The following ZNF536 variants were observed in gnomAD, a reference collection of about 807,000 sequenced individuals.
The protein encoded by ZNF536 is zinc finger protein 536.
Under a neutral mutation model 84.5 loss-of-function variants are expected in ZNF536, and 13 were observed. The ratio of observed to expected loss-of-function variants is 0.15; its 90% CI spans 0.10 to 0.24. The LOEUF (loss-of-function observed/expected upper bound fraction) is 0.24. Among genes scored for constraint, ZNF536 ranks in the 10% least tolerant of loss-of-function variants. ZNF536 has a pLI of 1.00. For missense variants in ZNF536, 1,536 were observed against 1,747.5 expected (o/e 0.88, Z 2.16); for synonymous variants, 811 against 742.5 (o/e 1.09, Z -1.50).
At chr19:30,226,500 T>C (rs73019700), upstream of ZNF536, among the ~76,000 whole-genome samples, 21,669 of 151,790 alleles carry the variant, frequency 0.14, 1,582 homozygotes, top group Middle Eastern at 0.22. The surrounding 1 kb of genome is among the most constrained non-coding windows in gnomAD (Gnocchi z 4.6). Flanking sequence ...ATCGGCCTCC[T>C]GTGCCCCGGG....
chr19:30,649,113 A>G (rs1460588748), intron 1 of ZNF536, among the ~76,000 whole-genome samples: 3 of 152,182 alleles, frequency 2.0e-5, no homozygotes, highest in African/African-American at 7.2e-5. Flanking sequence ...CAGCTGCCCC[A>G]GACAGGGAGG....
At chr19:30,582,579 C>G (rs557928394) in intron 1 of ZNF536, among the ~76,000 whole-genome samples, 1 of 151,610 alleles carries the variant, frequency 6.6e-6, no homozygotes, top group Admixed American at 6.6e-5. Context: ...TTTATAGAGA[C>G]GATGTATTAG....
chr19:30,652,580 A>C (rs1052280097), intron 1 of ZNF536, among the ~76,000 whole-genome samples: 2 of 152,152 alleles, frequency 1.3e-5, no homozygotes, highest in Non-Finnish European at 2.9e-5. Flanking sequence ...GCCCCCATGG[A>C]TGCAGAGAGG....
intron 2 of ZNF536, among the ~76,000 whole-genome samples, chr19:30,487,206 A>G (rs2054334417): frequency 6.6e-6 from 1 of 152,242 alleles, no homozygotes; most frequent in African/African-American, 2.4e-5. Flanking sequence ...TATCCAAAGT[A>G]TGAAAAAAGT....
intron 1 of ZNF536, among the ~76,000 whole-genome samples, chr19:30,252,656 AG>A (rs1568530655): frequency 6.6e-6 from 1 of 152,196 alleles, no homozygotes; most frequent in African/African-American, 2.4e-5. Context: ...TCCAGCATAA[AG>A]TTACCCCCTA....
chr19:30,536,350 G>A (rs186637357), intron 3 of ZNF536, among the ~76,000 whole-genome samples: 122 of 152,152 alleles, frequency 8.0e-4, no homozygotes, highest in African/African-American at 2.3e-3. Flanking sequence ...GGATCTATTC[G>A]GAGAGGCTGC....
chr19:30,241,563 C>A (rs966208948), intron 1 of ZNF536, among the ~76,000 whole-genome samples: 5 of 152,158 alleles, frequency 3.3e-5, no homozygotes, highest in Non-Finnish European at 4.4e-5. Flanking sequence ...GCCTCTGAGA[C>A]AGGACTGTGC....
chr19:30,510,774 T>C (rs1452347663), intron 2 of ZNF536, among the ~76,000 whole-genome samples: 3 of 152,202 alleles, frequency 2.0e-5, no homozygotes, highest in Non-Finnish European at 4.4e-5. Context: ...ACTGTAGTTA[T>C]CCTCATCGCC....
At chr19:30,349,953 A>G (rs2047879015) in intron 2 of ZNF536, among the ~76,000 whole-genome samples, 1 of 152,032 alleles carries the variant, frequency 6.6e-6, no homozygotes, top group Admixed American at 6.5e-5. Flanking sequence ...ATGTGGGTAT[A>G]CTTTTGTTAA....
chr19:30,509,556 T>C (rs1338989374), intron 2 of ZNF536, among the ~76,000 whole-genome samples: 1 of 150,432 alleles, frequency 6.6e-6, no homozygotes, highest in Non-Finnish European at 1.5e-5. Flanking sequence ...ATAATTTTAC[T>C]GTGTATATTT....
intron 1 of ZNF536, among the ~76,000 whole-genome samples, chr19:30,422,959 G>C (rs965829183): frequency 1.0e-5 from 1 of 98,882 alleles, no homozygotes; most frequent in African/African-American, 4.2e-5. Context: ...CTCTCCATCC[G>C]TTCAACCATC....
At position 30,364,240 on chromosome 19, in the gene ZNF536, C is replaced by T. The variant is rs145695165; in HGVS notation, c.-3+11756C>T. Among the ~76,000 whole-genome samples, 795 of 152,214 alleles carry T rather than the reference C, an allele frequency of 5.2e-3. 11 individuals carry two copies. The highest frequency in any genetic ancestry group is 0.018 in the African/African-American group (750 of 41,544). On this transcript the variant is annotated intron_variant, in intron 3 of 5. Transcript: ENST00000585628. ...AGTGGGAATGGGAGAAAGAGAGTCA[C>T]CCTAGCCAGGCACAGAGGCTCATGT...
chr19:30,599,670 A>G (rs1723456664), intron 1 of ZNF536, among the ~76,000 whole-genome samples: 1 of 152,046 alleles, frequency 6.6e-6, no homozygotes, highest in African/African-American at 2.4e-5. Context: ...GACTGCAGAT[A>G]CTTTTCTAAC....
At position 30,291,753 on chromosome 19, in the gene ZNF536, C is replaced by A. The variant is rs149407361; in HGVS notation, c.-120+7612C>A. 2.6e-5 allele frequency among the ~76,000 whole-genome samples: 4 copies of A among 152,280 alleles called. No individual in the cohort carries two copies. In the East Asian group the frequency reaches 7.7e-4, roughly 29 times the overall value. ...ACACCCTTGCCAGCACTTGTTTTTT[C>A]CATTTTTATGCTAGCAGCCATCTTC... On this transcript the variant is annotated intron_variant, in intron 2 of 5. Transcript: ENST00000585628.
intron 1 of ZNF536, among the ~76,000 whole-genome samples, chr19:30,655,697 G>A (rs879817123): frequency 3.3e-5 from 5 of 152,190 alleles, no homozygotes; most frequent in Non-Finnish European, 7.3e-5. Context: ...GAGGAATCTA[G>A]CAATGATCTC....
At chr19:30,452,152 C>T (rs1185341785) in intron 2 of ZNF536, among the ~76,000 whole-genome samples, 2 of 152,176 alleles carry the variant, frequency 1.3e-5, no homozygotes, top group Non-Finnish European at 2.9e-5. Context: ...CTTACCCACT[C>T]CCATGCTTAC....
At chr19:30,255,833 G>C (rs1192158818) in intron 1 of ZNF536, among the ~76,000 whole-genome samples, 2 of 152,198 alleles carry the variant, frequency 1.3e-5, no homozygotes, top group Non-Finnish European at 2.9e-5. Flanking sequence ...TGTGCGCTTG[G>C]TTTAAAGATT....
intron 2 of ZNF536, among the ~76,000 whole-genome samples, chr19:30,322,037 G>T (rs2046875653): frequency 6.6e-6 from 1 of 152,124 alleles, no homozygotes; most frequent in South Asian, 2.1e-4. Flanking sequence ...GCCTCCCAAA[G>T]TGCTGGGATT....
chr19:30,348,799 CT>C (rs902502106), intron 2 of ZNF536, among the ~76,000 whole-genome samples: 14 of 115,868 alleles, frequency 1.2e-4, no homozygotes, highest in Middle Eastern at 4.0e-3. Flanking sequence ...CATCCATTTT[CT>C]TTTTTTTTCT....
Sources: gnomAD v4.1 joint callset for allele counts (sites outside exome capture counted in the v4.1 genomes callset) on GRCh38, gnomAD v4.1.1 for gene constraint, Gnocchi (gnomAD v3.1) non-coding constraint, MANE v1.5 for transcripts, NCBI Gene and HGNC (gene_info 2026-07-23, HGNC 2026-07-21) for gene names.